Variants in SUMF1 observed in about 807,000 individuals in gnomAD.
SUMF1 encodes formylglycine-generating enzyme.
SUMF1 carries 48 observed loss-of-function variants against 47.6 expected under a neutral mutation model. The ratio of observed to expected loss-of-function variants is 1.01; its 90% CI spans 0.80 to 1.28. The LOEUF is 1.28. Ranked by LOEUF, SUMF1 falls within the 50% of genes most tolerant of loss-of-function variation. The probability of loss-of-function intolerance (pLI) is 0.00; values close to 1 mark genes in which losing one functional copy is unlikely to be tolerated. For missense variants in SUMF1, 571 were observed against 485.4 expected, an observed-to-expected ratio of 1.18 and a Z score of -1.66; for synonymous variants, 230 against 192.1, an observed-to-expected ratio of 1.20 and a Z score of -1.63.
intron 8 of SUMF1, among the ~76,000 whole-genome samples, chr3:4,147,864 A>C (rs2629251): frequency 0.66 from 99,807 of 151,900 alleles, 32,960 homozygotes; most frequent in South Asian, 0.74. Context: ...ATCTTAAGTT[A>C]GTCAGCTAGC....
downstream of SUMF1, among the ~76,000 whole-genome samples, chr3:4,356,548 A>T (rs1294066871): frequency 6.6e-6 from 1 of 151,780 alleles, no homozygotes; most frequent in African/African-American, 2.4e-5. Flanking sequence ...TACTTACTTG[A>T]TCAGTCACTC....
chr3:4,349,031 C>T (rs754595379), intron 8 of SUMF1, among the ~76,000 whole-genome samples: 3 of 152,168 alleles, frequency 2.0e-5, no homozygotes, highest in Non-Finnish European at 4.4e-5. Context: ...ATCTTCTGCA[C>T]AGCAAATGAA....
At chr3:4,410,818 G>A in intron 7 of SUMF1, 47 bp downstream of exon 7, 2 of 1,547,956 alleles carry the variant, frequency 1.3e-6, no homozygotes, top group Non-Finnish European at 1.8e-6. Context: ...CTGCCCAGAG[G>A]ACAGATGCCA....
chr3:4,051,227 C>T (rs538833988), intron 9 of SUMF1, among the ~76,000 whole-genome samples: 2 of 152,160 alleles, frequency 1.3e-5, no homozygotes, highest in South Asian at 2.1e-4. Flanking sequence ...CCACCCCATC[C>T]AATAGGCTAT....
At chr3:4,143,392 A>G (rs1272681990) in intron 8 of SUMF1, among the ~76,000 whole-genome samples, 1 of 152,106 alleles carries the variant, frequency 6.6e-6, no homozygotes, top group African/African-American at 2.4e-5. Flanking sequence ...TGTACCTTGC[A>G]AGAAGTGAGT....
At chr3:4,236,272 T>G (rs561534769) in intron 8 of SUMF1, among the ~76,000 whole-genome samples, 3 of 152,064 alleles carry the variant, frequency 2.0e-5, no homozygotes, top group African/African-American at 7.2e-5. Context: ...GGATAATAAA[T>G]GTGAGCTAAC....
At position 4,151,457 on chromosome 3, in the gene SUMF1, GTGTATATA is replaced by G. The variant is rs556358622; in HGVS notation, c.1015-82720_1015-82713del. On this transcript the variant is annotated intron_variant and NMD_transcript_variant, in intron 8 of 12. Coordinates refer to the SUMF1 transcript ENST00000448413. ...TGTATATATGTATATATGTATACATGTGTATATATGTATATATGTATATATGTGTATAT... is the reference window on the plus strand; with the variant it reads ...TGTATATATGTATATATGTATACATGTGTATATATGTATATATGTGTATAT... Among the ~76,000 whole-genome samples the G allele has an allele frequency of 9.7e-3, 1,384 of 142,510 alleles. 34 individuals carry two copies. The highest frequency in any genetic ancestry group is 0.022 in the Middle Eastern group (6 of 270). The allele number at this position is 142,510 out of a possible 152,430, so 93.5% of individuals were successfully genotyped here. A position where few individuals can be genotyped will look rare whatever the true frequency, so the allele number is the denominator to read the frequency against.
At chr3:4,226,107 C>T (rs934961717) in intron 8 of SUMF1, among the ~76,000 whole-genome samples, 3 of 152,074 alleles carry the variant, frequency 2.0e-5, no homozygotes, top group African/African-American at 2.4e-5. Context: ...GATCTACCCG[C>T]TCGCCATTTA....
intron 8 of SUMF1, among the ~76,000 whole-genome samples, chr3:4,203,936 T>A (rs1695594882): frequency 6.6e-6 from 1 of 150,804 alleles, no homozygotes; most frequent in Non-Finnish European, 1.5e-5. Flanking sequence ...ATACTTTTGA[T>A]GTCTTAAAAA....
intron 8 of SUMF1, among the ~76,000 whole-genome samples, chr3:4,353,414 G>A (rs1018853635): frequency 1.2e-4 from 18 of 152,176 alleles, no homozygotes; most frequent in Admixed American, 3.3e-4. Flanking sequence ...CACCACGCCC[G>A]GCTAATTTTT....
chr3:4,236,245 T>A (rs1201057522), intron 8 of SUMF1, among the ~76,000 whole-genome samples: 1 of 152,098 alleles, frequency 6.6e-6, no homozygotes, highest in East Asian at 1.9e-4. Context: ...ACCACATATC[T>A]AACAGAAATT....
chr3:4,174,214 G>A (rs1251157628), intron 8 of SUMF1, among the ~76,000 whole-genome samples: 1 of 151,876 alleles, frequency 6.6e-6, no homozygotes, highest in Non-Finnish European at 1.5e-5. Context: ...AAATTAGCCA[G>A]GCATGGTGGC....
chr3:4,202,762 T>G (rs1438018643), intron 8 of SUMF1, among the ~76,000 whole-genome samples: 1 of 151,974 alleles, frequency 6.6e-6, no homozygotes, highest in Non-Finnish European at 1.5e-5. Flanking sequence ...CCATCAGTTT[T>G]GGTATGTTGT....
At chr3:4,183,812 G>C (rs550548155) in intron 8 of SUMF1, among the ~76,000 whole-genome samples, 9 of 152,210 alleles carry the variant, frequency 5.9e-5, no homozygotes, top group East Asian at 5.8e-4. Flanking sequence ...ACAAAGAACT[G>C]GAAGTTGGTT....
chr3:4,116,443 T>A (rs1693426138), intron 8 of SUMF1, among the ~76,000 whole-genome samples: 1 of 152,058 alleles, frequency 6.6e-6, no homozygotes, highest in African/African-American at 2.4e-5. Flanking sequence ...TTCAAAAGAG[T>A]TATTTATTGC....
chr3:4,375,759 A>G (rs558855802), intron 8 of SUMF1, among the ~76,000 whole-genome samples: 7 of 152,304 alleles, frequency 4.6e-5, no homozygotes, highest in African/African-American at 1.4e-4. Context: ...CAAATTCCTT[A>G]TAAAGGTTAT....
At chr3:4,308,998 A>T (rs1286822367) in intron 8 of SUMF1, among the ~76,000 whole-genome samples, 2 of 152,224 alleles carry the variant, frequency 1.3e-5, no homozygotes, top group African/African-American at 2.4e-5. Context: ...ACAACAGTCA[A>T]ATACATGTAA....
At position 4,399,047 on chromosome 3, in the gene SUMF1, ATCT is replaced by A. The variant is rs201206703; in HGVS notation, c.954+11815_954+11817del. Among the ~76,000 whole-genome samples the A allele has an allele frequency of 3.6e-3, 541 of 152,236 alleles. 5 individuals are homozygous for A. Among genetic ancestry groups the A allele is most frequent in the African/African-American group, 0.012 (517 of 41,546 alleles). ...CCATAAAAAATGAGTCCAAGACCAC[ATCT>A]TCTTTTTTGCATAATCAGGAATATT... On this transcript the variant is annotated intron_variant, in intron 7 of 8. Transcript: ENST00000272902.
Position 4,258,062 on chromosome 3 carries a change from C to T in SUMF1, c.1014+118268G>A, listed in dbSNP as rs879429942. Reference sequence around the variant, plus strand: ...GCTGGGAAAACTGGCTAGCCATATGCAGAAAGCTGAAACTGGATCCCTTCC... The same window carrying T: ...GCTGGGAAAACTGGCTAGCCATATGTAGAAAGCTGAAACTGGATCCCTTCC... On this transcript the variant is annotated intron_variant and NMD_transcript_variant, in intron 8 of 12. Coordinates refer to the SUMF1 transcript ENST00000448413. Among the ~76,000 whole-genome samples the T allele has an allele frequency of 5.2e-3, 774 of 150,148 alleles. 6 individuals carry two copies. Among genetic ancestry groups the T allele is most frequent in the Non-Finnish European group, 6.8e-3 (460 of 67,306 alleles).
Sources: allele counts gnomAD v4.1 joint callset (sites outside exome capture counted in the v4.1 genomes callset), GRCh38; gene constraint gnomAD v4.1.1; transcripts MANE v1.5; gene names NCBI Gene and HGNC (gene_info 2026-07-23, HGNC 2026-07-21).